ROBO1: variants seen among roughly 807,000 people sequenced by gnomAD.
The protein encoded by ROBO1 is roundabout guidance receptor 1.
ROBO1 carries 149 observed loss-of-function variants against 195.9 expected under a neutral mutation model. The ratio of observed to expected loss-of-function variants is 0.76; its 90% CI spans 0.67 to 0.87. The LOEUF is 0.87. ROBO1 is among the 40% of genes least tolerant of loss of function. The pLI, the probability that ROBO1 is intolerant of heterozygous loss-of-function variation, is 0.00. For missense variants in ROBO1, 1,933 were observed against 2,068.3 expected (o/e 0.93, Z 1.27); for synonymous variants, 816 against 733.2 (o/e 1.11, Z -1.82).
At chr3:79,413,851 G>A (rs1035776114) in intron 2 of ROBO1, among the ~76,000 whole-genome samples, 30 of 152,008 alleles carry the variant, frequency 2.0e-4, no homozygotes, top group African/African-American at 6.8e-4. Flanking sequence ...TCCATATACT[G>A]TTTTTATGAA....
chr3:79,570,861 T>C (rs1943255436), intron 2 of ROBO1, among the ~76,000 whole-genome samples: 1 of 152,140 alleles, frequency 6.6e-6, no homozygotes, highest in East Asian at 1.9e-4. Context: ...AAAATTAAAG[T>C]TCATCATTAC....
At chr3:79,342,578 G>T (rs963341471) in intron 2 of ROBO1, among the ~76,000 whole-genome samples, 1 of 152,110 alleles carries the variant, frequency 6.6e-6, no homozygotes, top group Admixed American at 6.6e-5. Context: ...TTACCTATGT[G>T]ATATGTTTTA....
chr3:78,918,129 ATAG>A (rs985454864), intron 4 of ROBO1, among the ~76,000 whole-genome samples: 3 of 152,204 alleles, frequency 2.0e-5, no homozygotes, highest in African/African-American at 7.2e-5. Context: ...AAGTCTGTGA[ATAG>A]TAGATTTTTA....
At chr3:78,819,301 A>C (rs1387896712) in intron 4 of ROBO1, among the ~76,000 whole-genome samples, 3 of 151,916 alleles carry the variant, frequency 2.0e-5, no homozygotes, top group Admixed American at 2.0e-4. Context: ...ACTCTTGTTT[A>C]TCTTTAATTA....
intron 1 of ROBO1, among the ~76,000 whole-genome samples, chr3:79,754,938 T>C: frequency 6.6e-6 from 1 of 152,166 alleles, no homozygotes; most frequent in Admixed American, 6.5e-5. Context: ...TGGAGTGCAA[T>C]GGTGTGATAT....
At chr3:79,297,468 G>C (rs1433969085) in intron 2 of ROBO1, among the ~76,000 whole-genome samples, 1 of 152,132 alleles carries the variant, frequency 6.6e-6, no homozygotes, top group Non-Finnish European at 1.5e-5. Context: ...CATATGCTCA[G>C]TAAGTATCAT....
At chr3:79,322,942 C>G (rs1226035785) in intron 2 of ROBO1, among the ~76,000 whole-genome samples, 1 of 152,146 alleles carries the variant, frequency 6.6e-6, no homozygotes, top group Non-Finnish European at 1.5e-5. Context: ...TCTATACCAA[C>G]TGGTAAATGT....
rs185248634 is a variant in ROBO1, at chr3:78,733,665, A to C, written c.657+13078T>G. 6.9e-3 allele frequency among the ~76,000 whole-genome samples: 1,049 copies of C among 152,318 alleles called. 13 individuals are homozygous for C. The highest frequency in any genetic ancestry group is 0.024 in the African/African-American group (994 of 41,582). On this transcript the variant is annotated intron_variant, in intron 5 of 30. Coordinates refer to ENST00000464233, the MANE Select transcript of ROBO1 (RefSeq NM_002941.4). ...TAATGGAACATTGAGAATTAAATAA[A>C]CTATTTAGGACATCATCCATGAACC...
chr3:78,897,035 C>A (rs1363454823), intron 4 of ROBO1, among the ~76,000 whole-genome samples: 1 of 152,170 alleles, frequency 6.6e-6, no homozygotes, highest in Non-Finnish European at 1.5e-5. Context: ...AATGTGCATG[C>A]ATGCACACAC....
intron 2 of ROBO1, among the ~76,000 whole-genome samples, chr3:79,374,290 T>C (rs1559854488): frequency 6.6e-6 from 1 of 152,118 alleles, no homozygotes; most frequent in African/African-American, 2.4e-5. Flanking sequence ...TGAAAATAAT[T>C]TCACAGACAC....
intron 2 of ROBO1, among the ~76,000 whole-genome samples, chr3:79,544,439 TATTAA>T (rs1186899225): frequency 5.9e-5 from 9 of 152,010 alleles, no homozygotes; most frequent in African/African-American, 9.7e-5. Flanking sequence ...CTTTCATGTA[TATTAA>T]ATTGTCTTCA....
At chr3:79,611,572 T>C (rs541536178) in intron 1 of ROBO1, among the ~76,000 whole-genome samples, 132 of 152,178 alleles carry the variant, frequency 8.7e-4, no homozygotes, top group African/African-American at 3.0e-3. Flanking sequence ...AATGGATGAG[T>C]TCATGTCCTT....
chr3:79,018,354 G>C, intron 3 of ROBO1: 2 of 1,606,936 alleles, frequency 1.2e-6, no homozygotes, highest in East Asian at 2.2e-5. Context: ...GTGCAAAGTG[G>C]AGAGGGGGCG....
At chr3:79,329,928 A>C (rs1244835807) in intron 2 of ROBO1, among the ~76,000 whole-genome samples, 1 of 152,128 alleles carries the variant, frequency 6.6e-6, no homozygotes, top group Admixed American at 6.5e-5. Context: ...GATTCAGATC[A>C]CTGTTCTCTG....
intron 1 of ROBO1, among the ~76,000 whole-genome samples, chr3:79,765,090 C>T (rs899096948): frequency 6.6e-6 from 1 of 152,176 alleles, no homozygotes; most frequent in African/African-American, 2.4e-5. Flanking sequence ...ATACAACAAA[C>T]ATGTGATTAA....
intron 2 of ROBO1, among the ~76,000 whole-genome samples, chr3:79,259,867 G>T (rs1317843934): frequency 6.6e-6 from 1 of 152,050 alleles, no homozygotes; most frequent in African/African-American, 2.4e-5. Context: ...CCAAATAAGA[G>T]AAAAGTGTTC....
At chr3:79,569,667 GTGTGTGTATA>G (rs1271759648) in intron 2 of ROBO1, among the ~76,000 whole-genome samples, 85 of 111,002 alleles carry the variant, frequency 7.7e-4, no homozygotes, top group African/African-American at 3.5e-3. Flanking sequence ...GTGTGTGTGT[GTGTGTGTATA>G]TATGTGTGTG....
chr3:79,633,878 A>G (rs1945420021), intron 1 of ROBO1, among the ~76,000 whole-genome samples: 1 of 152,166 alleles, frequency 6.6e-6, no homozygotes, highest in Non-Finnish European at 1.5e-5. Context: ...TCTGTGGTTC[A>G]GATATAATCT....
chr3:79,512,266 C>T (rs1940745883), intron 2 of ROBO1, among the ~76,000 whole-genome samples: 1 of 131,174 alleles, frequency 7.6e-6, no homozygotes, highest in Non-Finnish European at 1.7e-5. Context: ...TGAATTCCCA[C>T]CAAGATTTTA....
Sources: gnomAD v4.1 joint callset for allele counts (sites outside exome capture counted in the v4.1 genomes callset) on GRCh38, gnomAD v4.1.1 for gene constraint, MANE v1.5 for transcripts, NCBI Gene and HGNC (gene_info 2026-07-23, HGNC 2026-07-21) for gene names.